APBB2: variants seen among roughly 807,000 people sequenced by gnomAD.
The protein encoded by APBB2 is Fe65-like 1.
Under a neutral mutation model 82.5 loss-of-function variants are expected in APBB2, and 38 were observed. That is an observed-to-expected ratio of 0.46 (90% CI 0.36 to 0.60). The LOEUF is 0.60. APBB2 is among the 20% of genes least tolerant of loss of function. The pLI is 0.00. For synonymous variants in APBB2, 341 were observed against 368.2 expected (o/e 0.93, Z 0.85); for missense variants, 772 against 972.3 (o/e 0.79, Z 2.74).
rs186089644 is a variant in APBB2, at chr4:41,145,398, T to C, written c.-416-2256A>G. Among the ~76,000 whole-genome samples the C allele has an allele frequency of 1.1e-4, 16 of 152,308 alleles. No homozygotes were observed. The East Asian group carries it at 2.7e-3, about 26-fold the overall frequency. On this transcript the variant is annotated intron_variant, in intron 1 of 17. Transcript: ENST00000508593. Reference sequence around the variant, plus strand: ...TTGCCTCCACTTTGACCAAGTGCTCTTTCCACCACTATGACATTTCAGCAT... The same window carrying C: ...TTGCCTCCACTTTGACCAAGTGCTCCTTCCACCACTATGACATTTCAGCAT...
intron 4 of APBB2, among the ~76,000 whole-genome samples, chr4:41,061,041 G>A (rs1267352588): frequency 1.3e-5 from 2 of 152,152 alleles, no homozygotes; most frequent in Non-Finnish European, 2.9e-5. Flanking sequence ...TTTCAGCAGG[G>A]AAGCGGCATG....
At chr4:40,978,731 G>A (rs920480947) in intron 6 of APBB2, among the ~76,000 whole-genome samples, 2 of 152,178 alleles carry the variant, frequency 1.3e-5, no homozygotes, top group Admixed American at 1.3e-4. Flanking sequence ...GAGTCATCAT[G>A]AAAATTATGA....
Position 41,131,041 on chromosome 4 carries a change from C to T in APBB2, c.-261+11946G>A, listed in dbSNP as rs191254391. On this transcript the variant is annotated intron_variant, in intron 2 of 17. Transcript: ENST00000508593. ...GAAGTACTGACAAGGAACATCACAG[C>T]AAAACATGCGAGAGTACAATGTTTT... Among the ~76,000 whole-genome samples the T allele has an allele frequency of 2.6e-5, 4 of 152,282 alleles. No individual in the cohort carries two copies. In the East Asian group the frequency reaches 7.7e-4, roughly 29 times the overall value.
intron 12 of APBB2, among the ~76,000 whole-genome samples, chr4:40,885,633 C>T (rs1419789279): frequency 1.3e-5 from 2 of 152,198 alleles, no homozygotes; most frequent in East Asian, 3.8e-4. Flanking sequence ...GAAATTTTAT[C>T]TTCATTAGAG....
intron 2 of APBB2, among the ~76,000 whole-genome samples, chr4:41,121,228 T>G (rs1471806833): frequency 6.6e-6 from 1 of 152,226 alleles, no homozygotes; most frequent in Non-Finnish European, 1.5e-5. Flanking sequence ...AAATGATACT[T>G]TTAAAAAATA....
At chr4:40,862,837 C>G (rs28665139) in intron 12 of APBB2, among the ~76,000 whole-genome samples, 9 of 128,636 alleles carry the variant, frequency 7.0e-5, no homozygotes, top group African/African-American at 2.4e-4. Flanking sequence ...CCAGCCTGGG[C>G]GAGAGTGAGA....
intron 6 of APBB2, among the ~76,000 whole-genome samples, chr4:41,010,425 G>A (rs922055483): frequency 2.0e-5 from 3 of 152,194 alleles, no homozygotes; most frequent in Admixed American, 6.5e-5. Context: ...GCCAAGCACT[G>A]TAAGATGTTC....
chr4:41,190,241 A>ATTTTTTTT lies in APBB2; in HGVS notation c.-417+24156_-417+24163dup, dbSNP rs1160837303. 1.8e-4 allele frequency among the ~76,000 whole-genome samples: 13 copies of ATTTTTTTT among 71,808 alleles called. 1 individual carries two copies. The highest frequency in any genetic ancestry group is 4.6e-4 in the African/African-American group (8 of 17,504). The allele number at this position is 71,808 out of a possible 152,430, so 47.1% of individuals were successfully genotyped here. On this transcript the variant is annotated intron_variant, in intron 1 of 17. Transcript: ENST00000508593. ...ATCAAAAGAATTTCCTACATAGGCT[A>ATTTTTTTT]TTTTTTTTTTTTTTTTTTTTTTTTT...
chr4:41,145,721 AAAG>A (rs202055130), intron 1 of APBB2, among the ~76,000 whole-genome samples: 2,268 of 152,290 alleles, frequency 0.015, 51 homozygotes, highest in African/African-American at 0.052. Flanking sequence ...CCCACTGTTC[AAAG>A]AAGAACAAAA....
chr4:41,142,802 A>T (rs1759622861), intron 2 of APBB2, among the ~76,000 whole-genome samples, 185 bp downstream of exon 2: 1 of 152,160 alleles, frequency 6.6e-6, no homozygotes, highest in South Asian at 2.1e-4. Context: ...AAGGAAAGGA[A>T]GACATCATTA....
At chr4:41,004,534 T>A (rs1477605031) in intron 6 of APBB2, among the ~76,000 whole-genome samples, 2 of 151,952 alleles carry the variant, frequency 1.3e-5, no homozygotes, top group Non-Finnish European at 2.9e-5. Context: ...CACACAGAGT[T>A]GACTTTTAAA....
At chr4:40,951,474 A>G (rs1455058126) in intron 6 of APBB2, among the ~76,000 whole-genome samples, 3 of 152,256 alleles carry the variant, frequency 2.0e-5, no homozygotes, top group African/African-American at 7.2e-5. Context: ...AGGAAACCAG[A>G]GGAGAGTCTG....
At chr4:41,053,853 TAA>T (rs1160169655) in intron 4 of APBB2, among the ~76,000 whole-genome samples, 1 of 152,224 alleles carries the variant, frequency 6.6e-6, no homozygotes, top group Non-Finnish European at 1.5e-5. Context: ...ACTTTTAATA[TAA>T]GTTAGAGCTT....
At chr4:41,112,037 C>T (rs1053636790) in intron 2 of APBB2, among the ~76,000 whole-genome samples, 19 of 152,198 alleles carry the variant, frequency 1.2e-4, no homozygotes, top group African/African-American at 1.7e-4. Flanking sequence ...AAATGCTTTT[C>T]TCACAGCAGA....
chr4:40,894,760 G>A (rs546530940), intron 10 of APBB2, among the ~76,000 whole-genome samples: 6 of 152,274 alleles, frequency 3.9e-5, no homozygotes, highest in Admixed American at 3.9e-4. Flanking sequence ...TCTATATGCT[G>A]TTTATTATAA....
chr4:41,030,518 G>A (rs1716334533), intron 5 of APBB2, among the ~76,000 whole-genome samples: 1 of 152,108 alleles, frequency 6.6e-6, no homozygotes, highest in Non-Finnish European at 1.5e-5. Flanking sequence ...TGCCGCCTCA[G>A]ACTCCCAAGT....
intron 5 of APBB2, among the ~76,000 whole-genome samples, chr4:41,018,089 T>G (rs1810506660): frequency 6.6e-6 from 1 of 152,228 alleles, no homozygotes; most frequent in South Asian, 2.1e-4. Flanking sequence ...AAAACATGAC[T>G]GTCAAACCTT....
intron 6 of APBB2, among the ~76,000 whole-genome samples, chr4:40,956,069 T>A (rs6848052): frequency 0.084 from 12,818 of 152,186 alleles, 576 homozygotes; most frequent in Middle Eastern, 0.14. Context: ...CCACCACACC[T>A]AGCCCAAAAA....
At chr4:41,117,040 C>T (rs920917588) in intron 2 of APBB2, among the ~76,000 whole-genome samples, 14 of 152,088 alleles carry the variant, frequency 9.2e-5, no homozygotes, top group African/African-American at 3.4e-4. Flanking sequence ...GGGTCCATCA[C>T]AAATGTTGCC....
Sources: allele counts gnomAD v4.1 joint callset (sites outside exome capture counted in the v4.1 genomes callset), GRCh38; gene constraint gnomAD v4.1.1; transcripts MANE v1.5; gene names NCBI Gene and HGNC (gene_info 2026-07-23, HGNC 2026-07-21).